The following KANK4 variants were observed in gnomAD, a reference collection of about 807,000 sequenced individuals.
KANK4 encodes KN motif and ankyrin repeat domain-containing protein 4.
KANK4 carries 50 observed loss-of-function variants against 80.8 expected under a neutral mutation model. The observed-to-expected ratio is 0.62, with a 90% CI of 0.49 to 0.78. The LOEUF is 0.78. KANK4 is among the 30% of genes least tolerant of loss of function. The probability of loss-of-function intolerance (pLI) is 0.00; values close to 1 mark genes in which losing one functional copy is unlikely to be tolerated. For synonymous variants in KANK4, 465 were observed against 506.9 expected (o/e 0.92, Z 1.11); for missense variants, 1,196 against 1,240.1 (o/e 0.96, Z 0.53).
intron 8 of KANK4, among the ~76,000 whole-genome samples, chr1:62,251,270 C>T (rs1671610097): frequency 6.6e-6 from 1 of 152,154 alleles, no homozygotes; most frequent in Non-Finnish European, 1.5e-5. Flanking sequence ...GTGGCTACTG[C>T]TTCGGCTGTG....
Position 62,257,592 on chromosome 1 carries a change from T to C in KANK4, c.2540-4383A>G, listed in dbSNP as rs113519194. Among the ~76,000 whole-genome samples the C allele has an allele frequency of 8.5e-5, 13 of 152,220 alleles. 1 individual carries two copies. Among genetic ancestry groups the C allele is most frequent in the African/African-American group, 3.1e-4 (13 of 41,538 alleles). The stretch of plus-strand genomic sequence containing the variant: ...CTCTGGCTCTATTCTCAATAATGAG[T>C]CACTTCTGTACACCCCTTTACAGTT... On this transcript the variant is annotated intron_variant, in intron 7 of 9. Coordinates refer to ENST00000371153, the MANE Select transcript of KANK4 (RefSeq NM_181712.5).
chr1:62,240,622 T>C (rs1428193174), intron 9 of KANK4, among the ~76,000 whole-genome samples: 2 of 152,128 alleles, frequency 1.3e-5, no homozygotes, highest in East Asian at 3.9e-4. Flanking sequence ...TGAGACAAGA[T>C]TGCGCCATTG....
chr1:62,248,265 A>T (rs1671520089), intron 8 of KANK4, among the ~76,000 whole-genome samples: 2 of 152,228 alleles, frequency 1.3e-5, no homozygotes, highest in Non-Finnish European at 2.9e-5. Flanking sequence ...CTCTGTAATC[A>T]TAGGTGGACG....
chr1:62,241,568 G>A (rs1671342585), intron 9 of KANK4, among the ~76,000 whole-genome samples: 3 of 152,342 alleles, frequency 2.0e-5, no homozygotes, highest in South Asian at 4.1e-4. Flanking sequence ...CCTGGCCCAG[G>A]GCCTGGCATT....
chr1:62,312,598 C>A (rs550650196), intron 1 of KANK4, among the ~76,000 whole-genome samples: 6 of 152,324 alleles, frequency 3.9e-5, no homozygotes, highest in African/African-American at 1.4e-4. Flanking sequence ...AAGTTCTTCA[C>A]ATAGGACTCT....
Position 62,281,689 on chromosome 1 carries a change from T to C in KANK4, c.-70-55A>G, listed in dbSNP as rs111721717. 36 of 1,111,710 alleles carry C rather than the reference T, an allele frequency of 3.2e-5. 2 individuals are homozygous for C. Among genetic ancestry groups the C allele is most frequent in the African/African-American group, 2.9e-4 (19 of 65,456 alleles). The allele number at this position is 1,111,710 out of a possible 1,614,324, so 68.9% of individuals were successfully genotyped here. On this transcript the variant is annotated intron_variant, in intron 1 of 9. Coordinates refer to ENST00000371153, the MANE Select transcript of KANK4 (RefSeq NM_181712.5). ...AGTCTCATTAGCGTTTGAATAAGTA[T>C]TGGGGAAACACAGCACTAAACAAAG... is the stretch of plus-strand genomic sequence containing the variant.
At chr1:62,249,000 TAAAAAAA>T (rs374742301) in intron 8 of KANK4, among the ~76,000 whole-genome samples, 4 of 137,612 alleles carry the variant, frequency 2.9e-5, no homozygotes, top group African/African-American at 1.1e-4. Context: ...CTGTCTCTAC[TAAAAAAA>T]AAAAAAAAAT....
At chr1:62,306,525 C>T (rs758184113) in intron 1 of KANK4, among the ~76,000 whole-genome samples, 1 of 152,036 alleles carries the variant, frequency 6.6e-6, no homozygotes, top group African/African-American at 2.4e-5. Flanking sequence ...TATGCTCTAA[C>T]CACCAGTTCT....
At chr1:62,240,869 G>A (rs1233444196) in intron 9 of KANK4, among the ~76,000 whole-genome samples, 1 of 152,120 alleles carries the variant, frequency 6.6e-6, no homozygotes, top group Non-Finnish European at 1.5e-5. Flanking sequence ...TGACTGAGCA[G>A]CTGCAGTCTC....
intron 1 of KANK4, among the ~76,000 whole-genome samples, chr1:62,316,452 C>CA (rs1468850178): frequency 6.6e-6 from 1 of 152,178 alleles, no homozygotes; most frequent in African/African-American, 2.4e-5. Flanking sequence ...GAGAAGCAGA[C>CA]AGAGCTGGAA....
intron 9 of KANK4, 118 bp downstream of exon 9, chr1:62,247,353 TG>T: frequency 1.3e-6 from 1 of 781,976 alleles, no homozygotes; most frequent in Non-Finnish European, 2.1e-6. Context: ...TTGCCTAGGC[TG>T]GTCTCGAACT....
intron 1 of KANK4, among the ~76,000 whole-genome samples, chr1:62,289,211 T>C (rs571293544): frequency 2.0e-4 from 31 of 152,298 alleles, no homozygotes; most frequent in African/African-American, 7.2e-4. Context: ...TAAGAACCCG[T>C]GAGTGCATTC....
intron 8 of KANK4, among the ~76,000 whole-genome samples, chr1:62,252,353 G>C (rs1176059262): frequency 2.0e-5 from 3 of 152,240 alleles, no homozygotes; most frequent in Non-Finnish European, 4.4e-5. Context: ...GGGGACTGGG[G>C]CATGATTTGT....
chr1:62,253,476 C>T lies in KANK4; in HGVS notation c.2540-267G>A, dbSNP rs371759827. On this transcript the variant is annotated intron_variant, in intron 7 of 9. Transcript: ENST00000371153. Reference sequence around the variant, plus strand: ...CCAGGCTGGAGTGCAGTGACTCAATCCCGTCTCACTGCAACCTCCACCTCC... The same window carrying T: ...CCAGGCTGGAGTGCAGTGACTCAATTCCGTCTCACTGCAACCTCCACCTCC... 4.1e-4 allele frequency among the ~76,000 whole-genome samples: 53 copies of T among 130,010 alleles called. 1 individual carries two copies. In the East Asian group the frequency reaches 0.014, roughly 34 times the overall value. The allele number at this position is 130,010 out of a possible 152,430, so 85.3% of individuals were successfully genotyped here. A position where few individuals can be genotyped will look rare whatever the true frequency, so the allele number is the denominator to read the frequency against.
chr1:62,238,407 A>G, intron 9 of KANK4, 26 bp from the exon 10 acceptor site: 1 of 1,600,142 alleles, frequency 6.2e-7, no homozygotes, highest in Non-Finnish European at 8.6e-7. Flanking sequence ...GAAAGAAGAA[A>G]TAAATATCAT....
chr1:62,275,611 A>G (rs1672291575), intron 2 of KANK4, among the ~76,000 whole-genome samples: 1 of 152,218 alleles, frequency 6.6e-6, no homozygotes, highest in East Asian at 1.9e-4. Context: ...CGGAGGTATC[A>G]ATGAGTTATG....
At chr1:62,252,177 G>T (rs1027660495) in intron 8 of KANK4, among the ~76,000 whole-genome samples, 3 of 152,078 alleles carry the variant, frequency 2.0e-5, no homozygotes, top group Non-Finnish European at 4.4e-5. Flanking sequence ...AATAATAAGG[G>T]GTAGACCTAG....
At chr1:62,270,853 T>C (rs1254969806) in intron 4 of KANK4, among the ~76,000 whole-genome samples, 2 of 152,198 alleles carry the variant, frequency 1.3e-5, no homozygotes, top group African/African-American at 4.8e-5. Flanking sequence ...CATCAGCATT[T>C]CATCTTTATT....
intron 7 of KANK4, among the ~76,000 whole-genome samples, chr1:62,258,401 G>A (rs1387984794): frequency 6.6e-6 from 1 of 152,184 alleles, no homozygotes; most frequent in Non-Finnish European, 1.5e-5. Context: ...CATTTCGATG[G>A]TATCCATGCA....
Sources: allele counts gnomAD v4.1 joint callset (sites outside exome capture counted in the v4.1 genomes callset), GRCh38; gene constraint gnomAD v4.1.1; transcripts MANE v1.5; gene names NCBI Gene and HGNC (gene_info 2026-07-23, HGNC 2026-07-21).